AGR2: variants seen among roughly 807,000 people sequenced by gnomAD.
AGR2 encodes anterior gradient 2, protein disulphide isomerase family member.
A neutral mutation model predicts 25.9 loss-of-function variants in AGR2; 27 were observed. The observed-to-expected ratio is 1.04, with a 90% confidence interval of 0.77 to 1.44. The LOEUF (loss-of-function observed/expected upper bound fraction) is 1.44, where lower values mean the gene tolerates loss of function less well. Among genes scored for constraint, AGR2 ranks in the 40% most tolerant of loss-of-function variants. AGR2 has a pLI of 0.00. For missense variants in AGR2, 182 were observed against 200.9 expected (o/e 0.91, Z 0.57); for synonymous variants, 78 against 72.0 (o/e 1.08, Z -0.42).
intron 1 of AGR2, among the ~76,000 whole-genome samples, chr7:16,803,448 A>G (rs1162117797): frequency 2.0e-5 from 3 of 152,190 alleles, no homozygotes; most frequent in East Asian, 3.9e-4. Context: ...AGGAATTACT[A>G]TTGTTAAGCA....
intron 4 of AGR2, among the ~76,000 whole-genome samples, chr7:16,800,841 C>T (rs1785129322): frequency 1.3e-5 from 2 of 152,152 alleles, no homozygotes; most frequent in South Asian, 4.1e-4. Flanking sequence ...GGCTTCATGC[C>T]TGTGAAGCTG....
chr7:16,801,540 G>C, intron 2 of AGR2, 118 bp downstream of exon 2: 1 of 1,420,600 alleles, frequency 7.0e-7, no homozygotes, highest in Non-Finnish European at 9.9e-7. Flanking sequence ...GATAAGTCTA[G>C]AAGGAACACA....
rs375555623 is a variant in AGR2, at chr7:16,801,634, A to G, written c.139+24T>C. 6 of 1,613,754 alleles carry G rather than the reference A, an allele frequency of 3.7e-6. No individual in the cohort carries two copies. The African/African-American group carries it at 8.0e-5, about 22-fold the overall frequency. ...CTTTTCCAATTAAGTAGCAGTTGGA[A>G]GCCAACAAGAAGCTGACTCCTACCT... is the stretch of plus-strand genomic sequence containing the variant. On this transcript the variant is annotated intron_variant, in intron 2 of 7. Coordinates refer to ENST00000419304, the MANE Select transcript of AGR2 (RefSeq NM_006408.4).
At position 16,794,994 on chromosome 7, in the gene AGR2, A is replaced by G. The variant is rs1489504462; in HGVS notation, c.420T>C (p.Asp140=). 7 of 1,614,068 alleles carry G rather than the reference A, an allele frequency of 4.3e-6. No individual in the cohort carries two copies. Among genetic ancestry groups the G allele is most frequent in the South Asian group, 2.2e-5 (2 of 91,090 alleles). ...GACGATTTGAATATCTTCCAGTGAT[A>G]TCGGCTCTAACTGTCAGAGATGGGT... ...FVDPSLTVRA[D]ITGRYSNRLY... is the part of the protein sequence containing the mutation. Residue 140 remains aspartate, a synonymous_variant, in exon 7 of 8, where the codon GAT becomes GAC. Transcript: ENST00000419304.
intron 5 of AGR2, among the ~76,000 whole-genome samples, chr7:16,798,584 A>G (rs897884007): frequency 1.2e-4 from 19 of 152,218 alleles, no homozygotes; most frequent in Non-Finnish European, 2.4e-4. Context: ...TGGTCTGTAA[A>G]GCAACTTCTC....
chr7:16,802,647 T>G (rs1785168534), intron 1 of AGR2, among the ~76,000 whole-genome samples: 1 of 152,164 alleles, frequency 6.6e-6, no homozygotes, highest in African/African-American at 2.4e-5. Flanking sequence ...GTCAAACTTC[T>G]GTAAGTTGGG....
At chr7:16,799,444 C>T (rs1785103988) in intron 5 of AGR2, 1 of 289,836 alleles carries the variant, frequency 3.5e-6, no homozygotes, top group Non-Finnish European at 6.4e-6. Flanking sequence ...TGTAGAGAAG[C>T]CAGGACTATA....
chr7:16,799,599 C>T (rs916644008), intron 5 of AGR2, 145 bp downstream of exon 5: 16 of 542,406 alleles, frequency 2.9e-5, no homozygotes, highest in African/African-American at 2.8e-4. Flanking sequence ...AACGAAATAT[C>T]TTTTTTCTCT....
At chr7:16,798,544 G>A (rs1361449204) in intron 5 of AGR2, among the ~76,000 whole-genome samples, 10 of 152,164 alleles carry the variant, frequency 6.6e-5, no homozygotes, top group Admixed American at 6.5e-4. Flanking sequence ...CCACTGGAGG[G>A]ATGTTAGAAG....
chr7:16,798,755 G>T (rs1394754493), intron 5 of AGR2, among the ~76,000 whole-genome samples: 1 of 152,164 alleles, frequency 6.6e-6, no homozygotes, highest in Non-Finnish European at 1.5e-5. Context: ...TAGAAGCACA[G>T]GGCTTATTGC....
intron 4 of AGR2, among the ~76,000 whole-genome samples, chr7:16,800,764 A>T (rs1785128074): frequency 6.6e-6 from 1 of 152,186 alleles, no homozygotes; most frequent in Non-Finnish European, 1.5e-5. Flanking sequence ...GACTTTTAAG[A>T]CAATGATAGC....
chr7:16,799,890 A>G (rs1298606772), intron 4 of AGR2, 73 bp from the exon 5 acceptor site: 4 of 1,016,444 alleles, frequency 3.9e-6, no homozygotes, highest in Non-Finnish European at 5.9e-6. Flanking sequence ...TTTCAGTTAA[A>G]TTGCATTTTA....
At chr7:16,796,314 C>T (rs1785044810) in intron 6 of AGR2, among the ~76,000 whole-genome samples, 1 of 152,216 alleles carries the variant, frequency 6.6e-6, no homozygotes, top group Non-Finnish European at 1.5e-5. Flanking sequence ...AAGGTATGAA[C>T]AGACATCTAT....
intron 1 of AGR2, among the ~76,000 whole-genome samples, chr7:16,804,572 A>C (rs374857495): frequency 6.6e-6 from 1 of 152,160 alleles, no homozygotes; most frequent in Non-Finnish European, 1.5e-5. Context: ...GGAGAAGCCT[A>C]TGGGGCTTTG....
chr7:16,802,089 C>T (rs563498916), intron 1 of AGR2, among the ~76,000 whole-genome samples: 7 of 151,808 alleles, frequency 4.6e-5, no homozygotes, highest in Non-Finnish European at 8.8e-5. Context: ...TTACTTTCTG[C>T]GGTTTCAGCT....
At chr7:16,801,895 G>C in intron 1 of AGR2, 92 bp from the exon 2 acceptor site, 1 of 1,105,742 alleles carries the variant, frequency 9.0e-7, no homozygotes, top group African/African-American at 1.6e-5. Context: ...GAATATACCA[G>C]AAACTGAGGC....
chr7:16,799,858 T>C (rs1162886893), intron 4 of AGR2, 41 bp from the exon 5 acceptor site: 2 of 1,372,804 alleles, frequency 1.5e-6, no homozygotes, highest in Non-Finnish European at 2.0e-6. Context: ...CATCTTAGCA[T>C]TGGTTAAAAG....
chr7:16,794,187 G>A (rs1258992285), intron 7 of AGR2, among the ~76,000 whole-genome samples: 3 of 152,184 alleles, frequency 2.0e-5, no homozygotes, highest in African/African-American at 4.8e-5. Flanking sequence ...TTCAGTGTCC[G>A]GGCATTGAGC....
intron 1 of AGR2, among the ~76,000 whole-genome samples, chr7:16,802,387 G>A (rs979966189): frequency 5.9e-5 from 9 of 152,236 alleles, no homozygotes; most frequent in South Asian, 2.1e-4. Flanking sequence ...GGGAACTACC[G>A]TAATACACCT....
Sources: gnomAD v4.1 joint callset for allele counts (sites outside exome capture counted in the v4.1 genomes callset) on GRCh38, gnomAD v4.1.1 for gene constraint, MANE v1.5 for transcripts, NCBI Gene and HGNC (gene_info 2026-07-23, HGNC 2026-07-21) for gene names.